Variants in SAMD12 observed in about 807,000 individuals in gnomAD.
SAMD12 encodes sterile alpha motif domain containing 12, also known as sterile alpha motif domain-containing protein 12.
In SAMD12, 9 loss-of-function variants were observed where a neutral mutation model predicts 15.0. The observed-to-expected ratio is 0.60, with a 90% CI of 0.36 to 1.05. The LOEUF is 1.05. SAMD12 is among the 50% of genes least tolerant of loss of function. The probability of loss-of-function intolerance (pLI) is 0.01; values close to 1 mark genes in which losing one functional copy is unlikely to be tolerated. For synonymous variants in SAMD12, 86 were observed against 90.1 expected, an observed-to-expected ratio of 0.96 and a Z score of 0.25; for missense variants, 230 against 234.2, an observed-to-expected ratio of 0.98 and a Z score of 0.12.
At chr8:118,261,612 T>C (rs1563720312) in intron 4 of SAMD12, among the ~76,000 whole-genome samples, 1 of 151,762 alleles carries the variant, frequency 6.6e-6, no homozygotes, top group Non-Finnish European at 1.5e-5. Context: ...CAACTTAATT[T>C]GGCAACCAAG....
intron 2 of SAMD12, among the ~76,000 whole-genome samples, chr8:118,456,636 G>A (rs901801715): frequency 7.2e-5 from 11 of 152,188 alleles, no homozygotes; most frequent in Admixed American, 5.9e-4. Context: ...AGACAAAGGT[G>A]AGCAACTTAA....
At chr8:118,302,025 A>G (rs1815058634) in intron 4 of SAMD12, among the ~76,000 whole-genome samples, 1 of 149,746 alleles carries the variant, frequency 6.7e-6, no homozygotes, top group Non-Finnish European at 1.5e-5. Context: ...ATACACAGAT[A>G]CTAGATTCAG....
At chr8:118,466,012 T>C (rs563609263) in intron 2 of SAMD12, among the ~76,000 whole-genome samples, 95 of 152,320 alleles carry the variant, frequency 6.2e-4, no homozygotes, top group African/African-American at 2.3e-3. Context: ...AAAAGGAAAC[T>C]AGCATATTAG....
At chr8:118,278,211 T>C (rs1418933601) in intron 4 of SAMD12, among the ~76,000 whole-genome samples, 1 of 152,202 alleles carries the variant, frequency 6.6e-6, no homozygotes, top group African/African-American at 2.4e-5. Flanking sequence ...TCTCCTGACG[T>C]TGGTTCACAT....
At chr8:118,508,869 G>A (rs1824996504) in intron 2 of SAMD12, among the ~76,000 whole-genome samples, 1 of 152,118 alleles carries the variant, frequency 6.6e-6, no homozygotes, top group African/African-American at 2.4e-5. Flanking sequence ...TCCAGGCCTA[G>A]GCAACACTAA....
intron 4 of SAMD12, among the ~76,000 whole-genome samples, chr8:118,303,618 TTTCTC>T (rs1815160337): frequency 1.3e-5 from 2 of 152,182 alleles, no homozygotes; most frequent in South Asian, 2.1e-4. Flanking sequence ...ACAAAATTTC[TTTCTC>T]TTCTAATTTT....
intron 4 of SAMD12, among the ~76,000 whole-genome samples, chr8:118,300,792 C>T (rs921793106): frequency 2.6e-5 from 4 of 152,154 alleles, no homozygotes; most frequent in Non-Finnish European, 4.4e-5. Flanking sequence ...TTAAATATTA[C>T]AGATTACTGA....
chr8:118,410,935 C>T (rs1370504419), intron 3 of SAMD12, among the ~76,000 whole-genome samples: 1 of 152,086 alleles, frequency 6.6e-6, no homozygotes, highest in East Asian at 1.9e-4. Flanking sequence ...TTAACTTCGA[C>T]ATGAGGCAGT....
chr8:118,457,012 C>T (rs985308278), intron 2 of SAMD12, among the ~76,000 whole-genome samples: 1 of 152,120 alleles, frequency 6.6e-6, no homozygotes, highest in East Asian at 1.9e-4. Flanking sequence ...GCTTCACCAT[C>T]AAGATAAAGG....
intron 2 of SAMD12, among the ~76,000 whole-genome samples, chr8:118,527,271 A>C (rs1825559529): frequency 6.6e-6 from 1 of 152,126 alleles, no homozygotes; most frequent in African/African-American, 2.4e-5. Flanking sequence ...AACCCTCATC[A>C]TGTTTCTCTT....
At chr8:118,532,854 G>A (rs80270726) in intron 2 of SAMD12, among the ~76,000 whole-genome samples, 18,825 of 151,790 alleles carry the variant, frequency 0.12, 1,268 homozygotes, top group South Asian at 0.27. Context: ...TCTTTCTAGC[G>A]GTCTATCAAT....
At chr8:118,357,785 T>A (rs530581974) in intron 4 of SAMD12, among the ~76,000 whole-genome samples, 1 of 152,318 alleles carries the variant, frequency 6.6e-6, no homozygotes, top group East Asian at 1.9e-4. Context: ...TTTGCCTGTG[T>A]CCCAGCCACA....
chr8:118,466,351 A>G (rs1490055565), intron 2 of SAMD12, among the ~76,000 whole-genome samples: 1 of 152,214 alleles, frequency 6.6e-6, no homozygotes, highest in Non-Finnish European at 1.5e-5. Context: ...GACACTTACG[A>G]AGACTATATG....
intron 4 of SAMD12, chr8:118,284,164 C>T (rs570424686): frequency 3.7e-5 from 15 of 410,452 alleles, no homozygotes; most frequent in East Asian, 2.1e-4. Flanking sequence ...ATGATAACCC[C>T]GATGGCCACT....
intron 3 of SAMD12, among the ~76,000 whole-genome samples, chr8:118,386,223 T>C (rs1819948189): frequency 6.6e-6 from 1 of 152,134 alleles, no homozygotes; most frequent in Non-Finnish European, 1.5e-5. Flanking sequence ...CATCAACGTG[T>C]CGGAAGGGCC....
intron 2 of SAMD12, among the ~76,000 whole-genome samples, chr8:118,475,159 A>T (rs1823917533): frequency 3.9e-5 from 6 of 152,034 alleles, no homozygotes. Flanking sequence ...GAATCACGTG[A>T]CCCTGGGAGG....
intron 2 of SAMD12, among the ~76,000 whole-genome samples, chr8:118,508,627 G>A (rs1380503771): frequency 6.6e-6 from 1 of 152,108 alleles, no homozygotes; most frequent in East Asian, 1.9e-4. Flanking sequence ...CTGCTTCTTT[G>A]TATTAATTTT....
the SAMD12 span, among the ~76,000 whole-genome samples, chr8:118,175,597 A>G: frequency 6.6e-6 from 1 of 152,216 alleles, no homozygotes; most frequent in Non-Finnish European, 1.5e-5. Flanking sequence ...CTATGCATCC[A>G]GCAAAGATCT....
At chr8:118,287,882 A>T (rs1814137327) in intron 4 of SAMD12, among the ~76,000 whole-genome samples, 1 of 152,178 alleles carries the variant, frequency 6.6e-6, no homozygotes, top group Non-Finnish European at 1.5e-5. Context: ...TGGCCTAAAC[A>T]GTCATACTTT....
Sources: gnomAD v4.1 joint callset for allele counts (sites outside exome capture counted in the v4.1 genomes callset) on GRCh38, gnomAD v4.1.1 for gene constraint, MANE v1.5 for transcripts, NCBI Gene and HGNC (gene_info 2026-07-23, HGNC 2026-07-21) for gene names.